The following FLG variants were observed in gnomAD, a reference collection of about 807,000 sequenced individuals.
The protein encoded by FLG is filaggrin, also known as epidermal filaggrin.
A neutral mutation model predicts 3.8 loss-of-function variants in FLG; 6 were observed. The observed-to-expected ratio is 1.60, with a 90% confidence interval of 0.87 to 3.15. The LOEUF is 3.15. Ranked by LOEUF, FLG falls within the 30% of genes most tolerant of loss-of-function variation. The pLI is 0.00. For synonymous variants in FLG, 2,551 were observed against 1,931.6 expected, an observed-to-expected ratio of 1.32 and a Z score of -8.41; for missense variants, 7,595 against 5,050.9, an observed-to-expected ratio of 1.50 and a Z score of -15.27.
chr1:152,316,752 G>T (rs756931603), intron 1 of FLG, among the ~76,000 whole-genome samples: 7 of 152,052 alleles, frequency 4.6e-5, no homozygotes, highest in Non-Finnish European at 1.0e-4. Context: ...GTACGCTGAT[G>T]TCAATAATTC....
chr1:152,307,573 C>G lies in FLG; in HGVS notation c.7313G>C (p.Arg2438Thr). The G allele has an allele frequency of 6.2e-7, 1 of 1,613,852 alleles. No homozygotes were observed. The highest frequency in any genetic ancestry group is 8.5e-7 in the Non-Finnish European group (1 of 1,179,970). Reference sequence around the variant, plus strand: ...TGCCTGCTTGTGGTGGGATCCTTGTCTTCCTCCAGTGCTGGTCCCGGTCCG... The same window carrying G: ...TGCCTGCTTGTGGTGGGATCCTTGTGTTCCTCCAGTGCTGGTCCCGGTCCG... ...HGRTGTSTGG[R>T]QGSHHKQARD... The change falls in exon 3 of 3, where the codon AGA (arginine) becomes ACA (threonine). Residue 2438 changes from arginine (R) to threonine (T), a missense_variant. Physicochemically the swap from Arg to Thr is moderately conservative, Grantham distance 71. Coordinates refer to ENST00000368799, the MANE Select transcript of FLG (RefSeq NM_002016.2).
chr1:152,310,693 C>G lies in FLG; in HGVS notation c.4193G>C (p.Ser1398Thr). ...GTCTGAGTCTTCTGAATGTCCCTCA[C>G]TGTTAGTGACCTGACTACCACTGGA... ...RGSSGSQVTN[S>T]EGHSEDSDTQ... The change falls in exon 3 of 3, where the codon AGT becomes ACT. Residue 1398 changes from serine to threonine, a missense_variant. Physicochemically the swap from Ser to Thr is moderately conservative, Grantham distance 58. Transcript: ENST00000368799. 1 of 1,614,086 alleles carries G rather than the reference C, an allele frequency of 6.2e-7. No individual in the cohort carries two copies. Among genetic ancestry groups the G allele is most frequent in the African/African-American group, 1.3e-5 (1 of 75,042 alleles).
At position 152,308,691 on chromosome 1, in the gene FLG, A is replaced by C; in HGVS notation, c.6195T>G (p.Ala2065=). ...DTQSVSAQGK[A]GPHQQSHKES... is the part of the protein sequence containing the mutation. ...CTTTGTGGCTCTGCTGATGGGGCCCAGCTTTTCCCTGTGCTGACACTGACT... is the reference window on the plus strand; with the variant it reads ...CTTTGTGGCTCTGCTGATGGGGCCCCGCTTTTCCCTGTGCTGACACTGACT... Residue 2065 remains alanine (A), a synonymous_variant, in exon 3 of 3, where the codon GCT becomes GCG. Coordinates refer to ENST00000368799, the MANE Select transcript of FLG (RefSeq NM_002016.2). 1 of 1,614,108 alleles carries C rather than the reference A, an allele frequency of 6.2e-7. No individual in the cohort carries two copies. The highest frequency in any genetic ancestry group is 8.5e-7 in the Non-Finnish European group (1 of 1,179,994).
chr1:152,321,787 C>A (rs796864891), intron 1 of FLG, among the ~76,000 whole-genome samples: 12 of 151,078 alleles, frequency 7.9e-5, no homozygotes, highest in African/African-American at 2.9e-4. Context: ...AAATGAAAAA[C>A]AGGAAACACC....
rs528344105 is a variant in FLG, at chr1:152,304,700, A to G, written c.10186T>C (p.Ser3396Pro). The G allele has an allele frequency of 2.4e-4, 385 of 1,612,692 alleles. 5 individuals are homozygous for G. The East Asian group carries it at 8.4e-3, about 35-fold the overall frequency. ...FLYQVSTHEQ[S>P]ESAHGRTRTS... ...CTGGTCCGCCCATGGGCAGACTCAG[A>G]CTGTTCATGAGTGCTCACCTGGTAG... The change falls in exon 3 of 3, where the codon TCT becomes CCT. Residue 3396 changes from serine (S) to proline (P), a missense_variant. Ser to Pro is a moderately conservative substitution (Grantham distance 74). Transcript: ENST00000368799.
Position 152,314,966 on chromosome 1 carries a change from C to G in FLG, c.139-219G>C, listed in dbSNP as rs182426113. On this transcript the variant is annotated intron_variant, in intron 2 of 2. Transcript: ENST00000368799. ...TATCAAGATTTGATGGGGTAAGTGA[C>G]TCTTTTTCTTATTTTAAAAGTCAGA... The G allele has an allele frequency of 9.1e-6, 5 of 547,938 alleles. No individual in the cohort carries two copies. The African/African-American group carries it at 9.4e-5, about 10-fold the overall frequency. 33.9% of individuals were successfully genotyped at this position (547,938 alleles called of 1,614,324 possible).
chr1:152,309,034 C>G lies in FLG; in HGVS notation c.5852G>C (p.Arg1951Thr), dbSNP rs199938078. 1 of 1,614,170 alleles carries G rather than the reference C, an allele frequency of 6.2e-7. No individual in the cohort carries two copies. ...GGACCCAGGGTGTCTGGAGCCATCT[C>G]TTGACTGCTCCCAAGCAGATCCAAG... is the stretch of plus-strand genomic sequence containing the variant. ...NHLGSAWEQS[R>T]DGSRHPGSHH... Residue 1951 changes from arginine (R) to threonine (T), a missense_variant, in exon 3 of 3, where the codon AGA becomes ACA. Physicochemically the swap from Arg to Thr is moderately conservative, Grantham distance 71. Transcript: ENST00000368799.
rs746879739 is a variant in FLG at position 152,312,737 on chromosome 1, C to T, written c.2149G>A (p.Ala717Thr). ...GTGCCTGAGTGTCTGGAGCTGTCTG[C>T]TGACTGGAGCTGGTGGCGGGATCCA... ...RHGSRHQLQSADSSRHSGTGH... is the reference protein window; with the variant it reads ...RHGSRHQLQSTDSSRHSGTGH... Residue 717 changes from alanine to threonine, a missense_variant, in exon 3 of 3, where the codon GCA (alanine) becomes ACA (threonine). Ala to Thr is a moderately conservative substitution (Grantham distance 58, BLOSUM62 0). Coordinates refer to ENST00000368799, the MANE Select transcript of FLG (RefSeq NM_002016.2). The T allele has an allele frequency of 1.2e-6, 2 of 1,614,026 alleles. No homozygotes were observed. Among genetic ancestry groups the T allele is most frequent in the Non-Finnish European group, 1.7e-6 (2 of 1,180,034 alleles).
Position 152,311,829 on chromosome 1 carries a change from C to A in FLG, c.3057G>T (p.Ala1019=). ...TTGATCTTGCCTGTTCATGGGATGA[C>A]GCAGCCTGTCCACCAGAGGAAGTCT... The part of the protein sequence containing the change: ...HAETSSGGQA[A]SSHEQARSSP... Residue 1019 remains alanine, a synonymous_variant, in exon 3 of 3, where the codon GCG becomes GCT. Coordinates refer to ENST00000368799, the MANE Select transcript of FLG (RefSeq NM_002016.2). 6.2e-7 allele frequency: 1 copy of A among 1,614,026 alleles called. No individual in the cohort carries two copies. Among genetic ancestry groups the A allele is most frequent in the South Asian group, 1.1e-5 (1 of 91,056 alleles).
rs1652683385 is a variant in FLG, at chr1:152,314,268, C to G, written c.618G>C (p.Glu206Asp). The G allele has an allele frequency of 1.2e-6, 2 of 1,613,504 alleles. No homozygotes were observed. The highest frequency in any genetic ancestry group is 2.7e-5 in the African/African-American group (2 of 74,966). ...NRKRLSERLEEKEDNEEGVYD... is the reference protein window; with the variant it reads ...NRKRLSERLEDKEDNEEGVYD... ...ATACTCCTTCTTCATTGTCTTCTTTCTCTTCAAGTCTTTCACTTAGCCTCT... is the reference window on the plus strand; with the variant it reads ...ATACTCCTTCTTCATTGTCTTCTTTGTCTTCAAGTCTTTCACTTAGCCTCT... The change falls in exon 3 of 3, where the codon GAG (glutamate) becomes GAC (aspartate). Residue 206 changes from glutamate to aspartate, a missense_variant. By Grantham distance (45) the Glu-to-Asp change is conservative. Coordinates refer to ENST00000368799, the MANE Select transcript of FLG (RefSeq NM_002016.2).
At position 152,313,257 on chromosome 1, in the gene FLG, A is replaced by T. The variant is rs780058917; in HGVS notation, c.1629T>A (p.Gly543=). Residue 543 remains glycine, a synonymous_variant, in exon 3 of 3, where the codon GGT becomes GGA. Coordinates refer to ENST00000368799, the MANE Select transcript of FLG (RefSeq NM_002016.2). ...EQSVNRSGHS[G]SHHSHTTSQG... Reference sequence around the variant, plus strand: ...GGGATGTGGTGTGGCTGTGATGGGAACCTGAGTGTCCAGACCTATTTACCG... The same window carrying T: ...GGGATGTGGTGTGGCTGTGATGGGATCCTGAGTGTCCAGACCTATTTACCG... 1.2e-6 allele frequency: 2 copies of T among 1,613,236 alleles called. No individual in the cohort carries two copies. The highest frequency in any genetic ancestry group is 1.1e-5 in the South Asian group (1 of 91,030).
In FLG at chr1:152,307,255, G is replaced by C. The variant is rs563762165; in HGVS notation, c.7631C>G (p.Ser2544Cys). ...HHEASSRADS[S>C]GHSQVGQGQS... ...TCCCTGGCCCACCTGCGAGTGTCCAGAGCTGTCGGCCCGAGAGGAAGCTTC... is the reference window on the plus strand; with the variant it reads ...TCCCTGGCCCACCTGCGAGTGTCCACAGCTGTCGGCCCGAGAGGAAGCTTC... The change falls in exon 3 of 3, where the codon TCT (serine) becomes TGT (cysteine). Residue 2544 changes from serine (S) to cysteine (C), a missense_variant. Ser to Cys is a moderately radical substitution (Grantham distance 112). Transcript: ENST00000368799. The C allele has an allele frequency of 1.9e-6, 3 of 1,613,020 alleles. No individual in the cohort carries two copies. The highest frequency in any genetic ancestry group is 3.3e-5 in the Admixed American group (2 of 59,940).
intron 1 of FLG, among the ~76,000 whole-genome samples, chr1:152,316,353 T>A (rs1652788368): frequency 6.6e-6 from 1 of 151,986 alleles, no homozygotes. Context: ...ACTAAAATAA[T>A]AGAATTTATA....
chr1:152,307,561 T>A lies in FLG; in HGVS notation c.7325A>T (p.His2442Leu), dbSNP rs760545340. 7.4e-6 allele frequency: 12 copies of A among 1,613,774 alleles called. No individual in the cohort carries two copies. Among genetic ancestry groups the A allele is most frequent in the Non-Finnish European group, 1.0e-5 (12 of 1,179,928 alleles). Residue 2442 changes from histidine (H) to leucine (L), a missense_variant, in exon 3 of 3, where the codon CAC (histidine) becomes CTC (leucine). Coordinates refer to ENST00000368799, the MANE Select transcript of FLG (RefSeq NM_002016.2). ...GTSTGGRQGS[H>L]HKQARDSSRH... is the part of the protein sequence containing the mutation. ...GGAGCTGTCTCGTGCCTGCTTGTGG[T>A]GGGATCCTTGTCTTCCTCCAGTGCT...
In FLG at chr1:152,307,074, T is replaced by C. The variant is rs1473275155; in HGVS notation, c.7812A>G (p.Arg2604=). ...SAQEQLRDGS[R]HPRSHQEDRA... is the part of the protein sequence containing the mutation. ...TGTCTTCTTGATGGGACCTGGGGTG[T>C]CTGGAGCCATCTCTTAGCTGCTCCT... The change falls in exon 3 of 3, where the codon AGA becomes AGG. Residue 2604 remains arginine, a synonymous_variant. Coordinates refer to ENST00000368799, the MANE Select transcript of FLG (RefSeq NM_002016.2). 1 of 1,609,234 alleles carries C rather than the reference T, an allele frequency of 6.2e-7. No homozygotes were observed. Among genetic ancestry groups the C allele is most frequent in the Non-Finnish European group, 8.5e-7 (1 of 1,179,356 alleles).
intron 2 of FLG, chr1:152,315,016 T>C (rs1652726766): frequency 2.3e-6 from 1 of 436,038 alleles, no homozygotes; most frequent in Admixed American, 3.9e-5. Flanking sequence ...ATTACTTAGT[T>C]GTCTTTAACA....
In FLG at chr1:152,303,414, C is replaced by T. The variant is rs764179418; in HGVS notation, c.11472G>A (p.Arg3824=). 5.6e-6 allele frequency: 9 copies of T among 1,613,976 alleles called. No homozygotes were observed. The East Asian group carries it at 1.3e-4, about 24-fold the overall frequency. Residue 3824 remains arginine (R), a synonymous_variant, in exon 3 of 3, where the codon AGG becomes AGA. Coordinates refer to ENST00000368799, the MANE Select transcript of FLG (RefSeq NM_002016.2). ...CTTCATGGTGACGCGACCCTGAGTG[C>T]CTGGAGCCGTCTCCTGACTGTTCCT... The part of the protein sequence containing the change: ...RNEEQSGDGS[R]HSGSRHHEAS...
Position 152,311,129 on chromosome 1 carries a change from C to G in FLG, c.3757G>C (p.Gly1253Arg), listed in dbSNP as rs199895224. Residue 1253 changes from glycine to arginine, a missense_variant, in exon 3 of 3, where the codon GGA (glycine) becomes CGA (arginine). Coordinates refer to ENST00000368799, the MANE Select transcript of FLG (RefSeq NM_002016.2). ...CTGGACCCCGATGATTGTTCCTGTC[C>G]CACCTGTGAGTGTCTAGAGCTGTCA... ...WADSSRHSQV[G>R]QEQSSGSRTS... The G allele has an allele frequency of 6.2e-7, 1 of 1,613,722 alleles. No homozygotes were observed. Among genetic ancestry groups the G allele is most frequent in the South Asian group, 1.1e-5 (1 of 91,060 alleles).
In FLG at chr1:152,305,491, C is replaced by G. The variant is rs923287164; in HGVS notation, c.9395G>C (p.Ser3132Thr). 2 of 1,577,344 alleles carry G rather than the reference C, an allele frequency of 1.3e-6. No homozygotes were observed. The highest frequency in any genetic ancestry group is 1.8e-5 in the Admixed American group (1 of 55,828). Reference sequence around the variant, plus strand: ...GTGATGGGACCCTGAGTGTCCAGAGCTATCTACCGAATGCTCGTGGTGGTA... The same window carrying G: ...GTGATGGGACCCTGAGTGTCCAGAGGTATCTACCGAATGCTCGTGGTGGTA... The part of the protein sequence containing the change: ...QGYHHEHSVD[S>T]SGHSGSHHSH... Residue 3132 changes from serine (S) to threonine (T), a missense_variant, in exon 3 of 3, where the codon AGC becomes ACC. Coordinates refer to ENST00000368799, the MANE Select transcript of FLG (RefSeq NM_002016.2).
Sources: allele counts gnomAD v4.1 joint callset (sites outside exome capture counted in the v4.1 genomes callset), GRCh38; gene constraint gnomAD v4.1.1; transcripts MANE v1.5; gene names NCBI Gene and HGNC (gene_info 2026-07-23, HGNC 2026-07-21).